The following LCOR variants were observed in gnomAD, a reference collection of about 807,000 sequenced individuals.
LCOR encodes the protein ligand-dependent corepressor.
In LCOR, 14 loss-of-function variants were observed where a neutral mutation model predicts 64.4. That is an observed-to-expected ratio of 0.22 (90% CI 0.14 to 0.34). LCOR has a LOEUF of 0.34. Among genes scored for constraint, LCOR ranks in the 10% least tolerant of loss-of-function variants. The pLI, the probability that LCOR is intolerant of heterozygous loss-of-function variation, is 1.00. For missense variants in LCOR, 1,686 were observed against 1,765.3 expected (o/e 0.96, Z 0.80); for synonymous variants, 643 against 642.5 (o/e 1.00, Z -0.01).
intron 2 of LCOR, among the ~76,000 whole-genome samples, chr10:96,866,972 T>A (rs960185962): frequency 1.3e-5 from 2 of 152,118 alleles, no homozygotes; most frequent in Admixed American, 1.3e-4. Flanking sequence ...ATTTTTCGTA[T>A]TTGTCAGTCT....
At chr10:96,937,540 T>C (rs1847372204) in intron 4 of LCOR, among the ~76,000 whole-genome samples, 1 of 152,110 alleles carries the variant, frequency 6.6e-6, no homozygotes, top group Non-Finnish European at 1.5e-5. Context: ...TAAATAGAGA[T>C]GGGGTCTCAT....
chr10:96,929,545 ATCT>A (rs1847222252), intron 4 of LCOR, among the ~76,000 whole-genome samples: 1 of 152,210 alleles, frequency 6.6e-6, no homozygotes, highest in Non-Finnish European at 1.5e-5. Context: ...GGCTGGTTTG[ATCT>A]TCTATCCAGA....
At chr10:96,915,717 C>G (rs1439747405) in intron 4 of LCOR, 2 of 702,882 alleles carry the variant, frequency 2.8e-6, no homozygotes, top group African/African-American at 3.5e-5. Flanking sequence ...ACCTCCTTGC[C>G]AGCATCAGCT....
intron 7 of LCOR, among the ~76,000 whole-genome samples, chr10:96,976,214 G>C (rs1848039223): frequency 6.6e-6 from 1 of 152,122 alleles, no homozygotes; most frequent in South Asian, 2.1e-4. Context: ...CATTTTCTCT[G>C]GAGGTTGCCA....
At chr10:96,920,007 C>T (rs1399810022) in intron 4 of LCOR, among the ~76,000 whole-genome samples, 1 of 151,928 alleles carries the variant, frequency 6.6e-6, no homozygotes, top group Non-Finnish European at 1.5e-5. Context: ...TTTGTGTATA[C>T]CTAGAAATGG....
intron 4 of LCOR, among the ~76,000 whole-genome samples, chr10:96,932,797 T>C (rs1007702045): frequency 6.6e-6 from 1 of 152,198 alleles, no homozygotes; most frequent in African/African-American, 2.4e-5. Flanking sequence ...ATCTGATGTC[T>C]ACAAGTGTTG....
At chr10:96,961,028 G>A (rs1056318840) in intron 7 of LCOR, 1 of 152,136 alleles carries the variant, frequency 6.6e-6, no homozygotes, top group Non-Finnish European at 1.5e-5. Flanking sequence ...CTAAGTGTTA[G>A]GAAGGAGATT....
intron 7 of LCOR, among the ~76,000 whole-genome samples, chr10:96,970,655 T>TTATTA (rs1847991962): frequency 1.3e-5 from 2 of 148,704 alleles, no homozygotes; most frequent in African/African-American, 4.9e-5. Flanking sequence ...TTTATTTTAT[T>TTATTA]TATTTTATTT....
intron 4 of LCOR, among the ~76,000 whole-genome samples, chr10:96,910,331 G>T: frequency 6.6e-6 from 1 of 152,196 alleles, no homozygotes. Flanking sequence ...TTTTCCATTT[G>T]ACAGCTCAGC....
intron 4 of LCOR, among the ~76,000 whole-genome samples, chr10:96,937,311 C>T (rs957589043): frequency 2.0e-5 from 3 of 152,152 alleles, no homozygotes; most frequent in African/African-American, 4.8e-5. Context: ...GGAAAATGAC[C>T]CTATTGACAC....
chr10:96,880,703 T>C (rs188199071), intron 2 of LCOR, among the ~76,000 whole-genome samples: 58 of 152,314 alleles, frequency 3.8e-4, no homozygotes, highest in Non-Finnish European at 5.1e-4. Flanking sequence ...TGGCCAGTTA[T>C]CTGTCTTCTT....
At chr10:96,942,271 C>T (rs1847502111) in intron 4 of LCOR, among the ~76,000 whole-genome samples, 1 of 151,900 alleles carries the variant, frequency 6.6e-6, no homozygotes, top group Non-Finnish European at 1.5e-5. Flanking sequence ...AAAACCCCGT[C>T]TCCACCAAAA....
chr10:96,878,873 GC>G (rs1207367007), intron 2 of LCOR, among the ~76,000 whole-genome samples: 1 of 152,084 alleles, frequency 6.6e-6, no homozygotes. Flanking sequence ...GCTCACTGCA[GC>G]AGTGACCTCC....
At chr10:96,957,704 A>C in intron 7 of LCOR, 1 of 985,394 alleles carries the variant, frequency 1.0e-6, no homozygotes, top group Non-Finnish European at 1.2e-6. Flanking sequence ...CAATTAATTA[A>C]ATTAGGTTAA....
intron 4 of LCOR, among the ~76,000 whole-genome samples, chr10:96,921,292 GAGTTGTAT>G (rs1176114722): frequency 6.6e-6 from 1 of 151,696 alleles, no homozygotes; most frequent in Non-Finnish European, 1.5e-5. Context: ...TGTTCTTTTG[GAGTTGTAT>G]ACAGAAAATC....
chr10:96,995,158 AAT>A lies in LCOR; in HGVS notation c.*10025_*10026del, dbSNP rs1202225814. ...TGTGGATTCAGGGAGCTCTAAAATG[AAT>A]CTCTACCGTTCCTTTAAAGGTCTTT... On this transcript the variant is annotated 3_prime_UTR_variant, in exon 8 of 8. Transcript: ENST00000421806. The surrounding 1 kb of genome is among the most constrained non-coding windows in gnomAD (Gnocchi z 4.2). 3 of 152,202 alleles carry A rather than the reference AAT, an allele frequency of 2.0e-5. No homozygotes were observed. Among genetic ancestry groups the A allele is most frequent in the African/African-American group, 4.8e-5 (2 of 41,440 alleles). The allele number at this position is 152,202 out of a possible 1,614,324, so 9.4% of individuals were successfully genotyped here.
At position 96,974,706 on chromosome 10, in the gene LCOR, C is replaced by T. The variant is rs538153595; in HGVS notation, c.333-6087C>T. Among the ~76,000 whole-genome samples, 21 of 152,148 alleles carry T rather than the reference C, an allele frequency of 1.4e-4. 1 individual carries two copies. The highest frequency in any genetic ancestry group is 4.8e-4 in the African/African-American group (20 of 41,488). ...TTAGGGTTTGTTACAAATCTAAGGT[C>T]TCGGAAAAATTGAATAACTAGAAGC... On this transcript the variant is annotated intron_variant, in intron 7 of 7. Coordinates refer to ENST00000421806, the MANE Select transcript of LCOR (RefSeq NM_001346516.2).
At chr10:96,839,041 C>CA (rs1315382883) in intron 2 of LCOR, among the ~76,000 whole-genome samples, 7 of 151,922 alleles carry the variant, frequency 4.6e-5, no homozygotes, top group South Asian at 2.1e-4. Context: ...AGTCGTATTT[C>CA]AAAAAAACAA....
At chr10:96,881,803 C>T (rs920065172) in intron 2 of LCOR, among the ~76,000 whole-genome samples, 6 of 152,148 alleles carry the variant, frequency 3.9e-5, no homozygotes, top group Non-Finnish European at 5.9e-5. Context: ...ATTTGTGGTA[C>T]CATGATATTT....
Sources: allele counts gnomAD v4.1 joint callset (sites outside exome capture counted in the v4.1 genomes callset), GRCh38; gene constraint gnomAD v4.1.1; non-coding constraint Gnocchi (gnomAD v3.1); transcripts MANE v1.5; gene names NCBI Gene and HGNC (gene_info 2026-07-23, HGNC 2026-07-21).